The following ADCY2 variants were observed in gnomAD, a reference collection of about 807,000 sequenced individuals.
ADCY2 encodes the protein adenylate cyclase 2.
In ADCY2, 31 loss-of-function variants were observed where a neutral mutation model predicts 125.2. That is an observed-to-expected ratio of 0.25 (90% CI 0.19 to 0.33). The LOEUF (loss-of-function observed/expected upper bound fraction) is 0.33. ADCY2 is among the 10% of genes least tolerant of loss of function. ADCY2 has a pLI of 1.00. For synonymous variants in ADCY2, 512 were observed against 548.4 expected, an observed-to-expected ratio of 0.93 and a Z score of 0.93; for missense variants, 904 against 1,418.2, an observed-to-expected ratio of 0.64 and a Z score of 5.82.
intron 2 of ADCY2, among the ~76,000 whole-genome samples, chr5:7,419,226 C>T (rs1163169350): frequency 6.6e-6 from 1 of 152,134 alleles, no homozygotes; most frequent in Non-Finnish European, 1.5e-5. Context: ...TGGGGGGTTT[C>T]CAGGACTACC....
chr5:7,624,147 A>C (rs1441975312), intron 3 of ADCY2, among the ~76,000 whole-genome samples: 1 of 152,174 alleles, frequency 6.6e-6, no homozygotes, highest in Non-Finnish European at 1.5e-5. Context: ...TCGTCACATC[A>C]TTCTTTTAAT....
intron 7 of ADCY2, among the ~76,000 whole-genome samples, chr5:7,705,512 G>A (rs1360421592): frequency 6.6e-6 from 1 of 152,190 alleles, no homozygotes; most frequent in African/African-American, 2.4e-5. Flanking sequence ...AGGCTTGGGG[G>A]CATGGGGAGC....
chr5:7,706,195 C>T (rs562542736), intron 7 of ADCY2, among the ~76,000 whole-genome samples: 23 of 152,176 alleles, frequency 1.5e-4, no homozygotes, highest in Admixed American at 3.3e-4. Flanking sequence ...AGTATTTTTT[C>T]TCTTTTTGTT....
chr5:7,514,730 C>G (rs557828153), intron 2 of ADCY2, among the ~76,000 whole-genome samples: 1 of 152,256 alleles, frequency 6.6e-6, no homozygotes, highest in East Asian at 1.9e-4. Flanking sequence ...GACAGAGATA[C>G]ACGGAGAAGA....
intron 4 of ADCY2, among the ~76,000 whole-genome samples, chr5:7,636,258 C>T (rs759209454): frequency 2.0e-5 from 3 of 152,242 alleles, no homozygotes; most frequent in Non-Finnish European, 2.9e-5. Context: ...CCATCCAGGA[C>T]ACACAGGCTC....
At chr5:7,515,982 T>C (rs1256436784) in intron 2 of ADCY2, among the ~76,000 whole-genome samples, 1 of 152,122 alleles carries the variant, frequency 6.6e-6, no homozygotes, top group African/African-American at 2.4e-5. Context: ...TACAGGAGGT[T>C]TTCATCCAAG....
intron 14 of ADCY2, among the ~76,000 whole-genome samples, chr5:7,742,719 G>C (rs929935103): frequency 6.6e-6 from 1 of 152,178 alleles, no homozygotes; most frequent in African/African-American, 2.4e-5. Context: ...ACCTGCAGGA[G>C]GATGTCAGCT....
chr5:7,508,023 A>G (rs1743906822), intron 2 of ADCY2, among the ~76,000 whole-genome samples: 1 of 152,042 alleles, frequency 6.6e-6, no homozygotes, highest in Admixed American at 6.6e-5. Flanking sequence ...ATATACTGAG[A>G]GATATTTGTG....
At chr5:7,418,633 A>G (rs1273523845) in intron 2 of ADCY2, among the ~76,000 whole-genome samples, 1 of 144,556 alleles carries the variant, frequency 6.9e-6, no homozygotes, top group African/African-American at 2.6e-5. Flanking sequence ...ATTAAAAACA[A>G]AAGTCTACCT....
intron 23 of ADCY2, among the ~76,000 whole-genome samples, 194 bp downstream of exon 23, chr5:7,817,174 G>A (rs555233390): frequency 6.6e-6 from 1 of 152,114 alleles, no homozygotes; most frequent in Admixed American, 6.5e-5. Flanking sequence ...ATTGGACCTA[G>A]GCTACCTGCA....
intron 2 of ADCY2, among the ~76,000 whole-genome samples, chr5:7,431,888 G>C (rs1449334699): frequency 2.0e-5 from 3 of 152,126 alleles, no homozygotes; most frequent in Admixed American, 6.5e-5. Context: ...TCCCTGGTGA[G>C]GGCCCCACCC....
At chr5:7,787,305 G>A (rs1418112763) in intron 19 of ADCY2, among the ~76,000 whole-genome samples, 2 of 152,130 alleles carry the variant, frequency 1.3e-5, no homozygotes, top group Non-Finnish European at 2.9e-5. Flanking sequence ...ATGGCCTCCC[G>A]CCATGTCTCT....
At chr5:7,616,506 G>A (rs1737767865) in intron 3 of ADCY2, among the ~76,000 whole-genome samples, 1 of 152,098 alleles carries the variant, frequency 6.6e-6, no homozygotes, top group Non-Finnish European at 1.5e-5. Flanking sequence ...TAGGGGGAGA[G>A]TACAAAATTT....
chr5:7,665,828 CTTT>C (rs70940750), intron 4 of ADCY2, among the ~76,000 whole-genome samples: 8 of 38,626 alleles, frequency 2.1e-4, no homozygotes, highest in African/African-American at 7.3e-4. Context: ...TAATTTAATT[CTTT>C]TTTTTTTTTT....
chr5:7,737,757 A>G (rs1456805346), intron 14 of ADCY2, among the ~76,000 whole-genome samples: 1 of 152,238 alleles, frequency 6.6e-6, no homozygotes, highest in Non-Finnish European at 1.5e-5. Context: ...TTATAGTCAC[A>G]CTTCTGGAAA....
intron 3 of ADCY2, among the ~76,000 whole-genome samples, chr5:7,579,721 A>G (rs1350790432): frequency 6.6e-6 from 1 of 152,230 alleles, no homozygotes; most frequent in Admixed American, 6.5e-5. Context: ...ATTAAAATAA[A>G]TAATAGGAAA....
rs529190354 is a variant in ADCY2, at chr5:7,701,888, A to C, written c.1109+3514A>C. Among the ~76,000 whole-genome samples the C allele has an allele frequency of 4.6e-5, 7 of 152,160 alleles. No homozygotes were observed. The South Asian group carries it at 1.5e-3, about 32-fold the overall frequency. On this transcript the variant is annotated intron_variant, in intron 7 of 24. Coordinates refer to ENST00000338316, the MANE Select transcript of ADCY2 (RefSeq NM_020546.3). Reference sequence around the variant, plus strand: ...TATACCACATTTTATTTATTTTTTGATCATTGATGCATCAGTAATATCTTA... The same window carrying C: ...TATACCACATTTTATTTATTTTTTGCTCATTGATGCATCAGTAATATCTTA...
At chr5:7,503,815 TCAAC>T (rs1441255577) in intron 2 of ADCY2, among the ~76,000 whole-genome samples, 2 of 152,232 alleles carry the variant, frequency 1.3e-5, no homozygotes, top group Admixed American at 6.5e-5. Context: ...GACACCTGGT[TCAAC>T]CCACAGTCAA....
At chr5:7,520,605 T>G in intron 2 of ADCY2, 133 bp from the exon 3 acceptor site, 1 of 952,328 alleles carries the variant, frequency 1.1e-6, no homozygotes, top group Non-Finnish European at 1.6e-6. Flanking sequence ...GACTGCCCTA[T>G]TTTGTCTATA....
Sources: allele counts gnomAD v4.1 joint callset (sites outside exome capture counted in the v4.1 genomes callset), GRCh38; gene constraint gnomAD v4.1.1; transcripts MANE v1.5; gene names NCBI Gene and HGNC (gene_info 2026-07-23, HGNC 2026-07-21).